MAEA: variants seen among roughly 807,000 people sequenced by gnomAD.
MAEA encodes macrophage erythroblast attacher, E3 ubiquitin ligase, also known as E3 ubiquitin-protein transferase MAEA.
Under a neutral mutation model 46.2 loss-of-function variants are expected in MAEA, and 22 were observed. The ratio of observed to expected loss-of-function variants is 0.48; its 90% CI spans 0.34 to 0.68. The LOEUF (loss-of-function observed/expected upper bound fraction) is 0.68, where lower values mean the gene tolerates loss of function less well. Ranked by LOEUF, MAEA falls within the 30% of genes least tolerant of loss-of-function variation. The pLI is 0.01. For synonymous variants in MAEA, 246 were observed against 222.6 expected, an observed-to-expected ratio of 1.11 and a Z score of -0.94; for missense variants, 393 against 558.1, an observed-to-expected ratio of 0.70 and a Z score of 2.98.
At position 1,334,695 on chromosome 4, in the gene MAEA, C is replaced by T. The variant is rs536729485; in HGVS notation, c.765+1830C>T. Among the ~76,000 whole-genome samples the T allele has an allele frequency of 5.9e-5, 9 of 152,316 alleles. No homozygotes were observed. The South Asian group carries it at 6.2e-4, about 11-fold the overall frequency. The stretch of plus-strand genomic sequence containing the variant: ...TGTTGCCAGATTCAGGGGGCACAAC[C>T]GTGTCTCGTGGCAGGAAAATGGGCC... On this transcript the variant is annotated intron_variant, in intron 6 of 8. Transcript: ENST00000303400.
Position 1,309,688 on chromosome 4 carries a change from C to A in MAEA, c.70-2291C>A, listed in dbSNP as rs778763251. 8.5e-6 allele frequency: 13 copies of A among 1,531,242 alleles called. No individual in the cohort carries two copies. In the South Asian group the frequency reaches 1.6e-4, roughly 18 times the overall value. 94.9% of individuals were successfully genotyped at this position (1,531,242 alleles called of 1,614,324 possible). ...CCACTGGCAGGGAGGTGGGGTCTTC[C>A]AGTTGTGAAGACACCGTGGCCCCGG... On this transcript the variant is annotated intron_variant, in intron 1 of 8. Coordinates refer to ENST00000303400, the MANE Select transcript of MAEA (RefSeq NM_001017405.3).
In MAEA at chr4:1,298,248, T is replaced by C. The variant is rs547308680; in HGVS notation, c.69+8266T>C. The C allele has an allele frequency of 1.1e-4, 41 of 371,532 alleles. 1 individual carries two copies. The highest frequency in any genetic ancestry group is 3.4e-4 in the Admixed American group (11 of 32,026). 23.0% of individuals were successfully genotyped at this position (371,532 alleles called of 1,614,324 possible). ...TGTTTCCTTTCTTTTACTGGAGATA[T>C]GTCATTTGTGCCCCGCCCAAGGCCA... On this transcript the variant is annotated intron_variant, in intron 1 of 8. Coordinates refer to ENST00000303400, the MANE Select transcript of MAEA (RefSeq NM_001017405.3).
At chr4:1,317,114 C>CA (rs1737347815) in intron 3 of MAEA, among the ~76,000 whole-genome samples, 1 of 126,522 alleles carries the variant, frequency 7.9e-6, no homozygotes, top group Non-Finnish European at 1.7e-5. Flanking sequence ...GCAGGCCCAC[C>CA]CGGTCCCACA....
In MAEA at chr4:1,338,588, C is replaced by T; in HGVS notation, c.1066C>T (p.Leu356=). 1.2e-6 allele frequency: 2 copies of T among 1,612,462 alleles called. No homozygotes were observed. The highest frequency in any genetic ancestry group is 1.1e-5 in the South Asian group (1 of 90,948). ...VMNENNPPMM[L]PNGYVYGYNS... is the part of the protein sequence containing the mutation. ...GAACGAGAACAATCCGCCCATGATG[C>T]TGCCCAACGGCTACGTCTACGGCTA... Residue 356 remains leucine, a synonymous_variant, in exon 8 of 9, where the codon CTG becomes TTG. Transcript: ENST00000303400.
At chr4:1,292,769 C>T (rs1419769114) in intron 1 of MAEA, among the ~76,000 whole-genome samples, 1 of 152,162 alleles carries the variant, frequency 6.6e-6, no homozygotes, top group African/African-American at 2.4e-5. Flanking sequence ...CATGAGGACT[C>T]AGCCTTGCGT....
intron 1 of MAEA, among the ~76,000 whole-genome samples, chr4:1,306,434 G>A (rs546131631): frequency 1.3e-5 from 2 of 152,316 alleles, no homozygotes; most frequent in South Asian, 4.1e-4. Context: ...ACAATCACTT[G>A]ATCCCGGGAG....
At position 1,315,483 on chromosome 4, in the gene MAEA, G is replaced by T; in HGVS notation, c.339G>T (p.Gln113His). The T allele has an allele frequency of 6.2e-7, 1 of 1,613,890 alleles. No individual in the cohort carries two copies. The highest frequency in any genetic ancestry group is 8.5e-7 in the Non-Finnish European group (1 of 1,179,998). ...IEHLKEHSSD[Q>H]PAAASVWKRK... The stretch of plus-strand genomic sequence containing the variant: ...ACCTCAAAGAGCATAGCAGCGACCA[G>T]CCCGCGGCGGCCAGCGTGTGGAAGA... The change falls in exon 3 of 9, where the codon CAG becomes CAT. Residue 113 changes from glutamine (Q) to histidine (H), a missense_variant. By Grantham distance (24) the Gln-to-His change is conservative (BLOSUM62 0). Around this residue, in one of 2 missense-constraint regions of MAEA, gnomAD observed 358 missense variants for 537.9 expected, o/e 0.67. Coordinates refer to ENST00000303400, the MANE Select transcript of MAEA (RefSeq NM_001017405.3).
At chr4:1,320,949 A>G (rs1211698394) in intron 3 of MAEA, among the ~76,000 whole-genome samples, 1 of 152,158 alleles carries the variant, frequency 6.6e-6, no homozygotes, top group African/African-American at 2.4e-5. Flanking sequence ...AAATACAAAA[A>G]TTTAGCCGGG....
chr4:1,325,051 G>A (rs990663240), intron 4 of MAEA, among the ~76,000 whole-genome samples: 1 of 152,172 alleles, frequency 6.6e-6, no homozygotes, highest in African/African-American at 2.4e-5. Context: ...TGCCCGGTAC[G>A]AGATGCGGCC....
chr4:1,323,302 A>G (rs1437907411), intron 4 of MAEA, among the ~76,000 whole-genome samples: 1 of 152,156 alleles, frequency 6.6e-6, no homozygotes, highest in Admixed American at 6.5e-5. Context: ...CTAAAGGACA[A>G]AATTTAAACC....
intron 6 of MAEA, chr4:1,335,321 G>C: frequency 2.0e-6 from 2 of 985,506 alleles, no homozygotes; most frequent in Non-Finnish European, 2.4e-6. Context: ...TTGTCACAGT[G>C]CACAGGTTGC....
intron 1 of MAEA, among the ~76,000 whole-genome samples, chr4:1,290,711 C>T (rs182819283): frequency 2.0e-5 from 3 of 152,336 alleles, no homozygotes; most frequent in East Asian, 1.9e-4. Flanking sequence ...TGTTGCCTTC[C>T]TGGAGAGCTG....
chr4:1,318,500 A>G (rs574611851), intron 3 of MAEA, among the ~76,000 whole-genome samples: 1 of 152,170 alleles, frequency 6.6e-6, no homozygotes, highest in South Asian at 2.1e-4. Flanking sequence ...TGCCCTGAGC[A>G]TGTCTGTCCA....
chr4:1,318,489 G>C (rs1737604647), intron 3 of MAEA, among the ~76,000 whole-genome samples: 2 of 152,234 alleles, frequency 1.3e-5, no homozygotes, highest in South Asian at 4.1e-4. Flanking sequence ...AGGTGTTGGG[G>C]TGCCCTGAGC....
intron 5 of MAEA, among the ~76,000 whole-genome samples, chr4:1,328,395 C>T (rs1174412499): frequency 6.6e-6 from 1 of 152,234 alleles, no homozygotes; most frequent in East Asian, 1.9e-4. Flanking sequence ...CAGTGTCGGC[C>T]AGTTCATGCT....
At chr4:1,332,956 G>GCCCC in intron 6 of MAEA, 91 bp downstream of exon 6, 1 of 918,910 alleles carries the variant, frequency 1.1e-6, no homozygotes, top group Non-Finnish European at 1.6e-6. Context: ...CGTGGGGCGG[G>GCCCC]ACGTGAGGGC....
Position 1,315,856 on chromosome 4 carries a change from C to A in MAEA, c.456+256C>A, listed in dbSNP as rs543252851. On this transcript the variant is annotated intron_variant, in intron 3 of 8. Transcript: ENST00000303400. ...TGTCCCCACCCCTGTGTGCGTGTGT[C>A]CCCTTCCCGTGTGTGTGCCCCCCCC... is the stretch of plus-strand genomic sequence containing the variant. Among the ~76,000 whole-genome samples, 401 of 69,510 alleles carry A rather than the reference C, an allele frequency of 5.8e-3. 2 individuals carry two copies. Among genetic ancestry groups the A allele is most frequent in the Middle Eastern group, 0.016 (2 of 122 alleles). 45.6% of individuals were successfully genotyped at this position (69,510 alleles called of 152,430 possible). A position where few individuals can be genotyped will look rare whatever the true frequency, so the allele number is the denominator to read the frequency against.
At chr4:1,335,551 T>C (rs1712637813) in intron 6 of MAEA, 1 of 881,212 alleles carries the variant, frequency 1.1e-6, no homozygotes, top group Admixed American at 6.4e-5. Context: ...AAGTCAGCAC[T>C]GGCCCCACAG....
intron 2 of MAEA, chr4:1,312,376 CCA>C (rs1736620003): frequency 1.7e-6 from 1 of 584,380 alleles, no homozygotes; most frequent in Non-Finnish European, 3.0e-6. Flanking sequence ...CCAGGAGTGT[CCA>C]GAGTCCAGGC....
Sources: allele counts gnomAD v4.1 joint callset (sites outside exome capture counted in the v4.1 genomes callset), GRCh38; gene constraint gnomAD v4.1.1; regional missense constraint gnomAD v4.1.1; transcripts MANE v1.5; gene names NCBI Gene and HGNC (gene_info 2026-07-23, HGNC 2026-07-21).